FAM193A: variants seen among roughly 807,000 people sequenced by gnomAD.
The protein encoded by FAM193A is protein FAM193A.
A neutral mutation model predicts 126.5 loss-of-function variants in FAM193A; 22 were observed. That is an observed-to-expected ratio of 0.17 (90% CI 0.12 to 0.25). The LOEUF (loss-of-function observed/expected upper bound fraction) is 0.25. FAM193A is among the 10% of genes least tolerant of loss of function. FAM193A has a pLI of 1.00. For missense variants in FAM193A, 1,675 were observed against 1,672.8 expected, an observed-to-expected ratio of 1.00 and a Z score of -0.02; for synonymous variants, 761 against 646.8, an observed-to-expected ratio of 1.18 and a Z score of -2.68.
chr4:2,727,643 A>G (rs1720902914), intron 20 of FAM193A, among the ~76,000 whole-genome samples: 1 of 152,242 alleles, frequency 6.6e-6, no homozygotes, highest in African/African-American at 2.4e-5. Context: ...AAAGGAAACT[A>G]AAATATTGCT....
chr4:2,718,032 C>T (rs964289267), intron 20 of FAM193A, among the ~76,000 whole-genome samples: 2 of 152,046 alleles, frequency 1.3e-5, no homozygotes, highest in Non-Finnish European at 2.9e-5. Flanking sequence ...TATCGAAAAA[C>T]GTTAACTTTT....
intron 1 of FAM193A, among the ~76,000 whole-genome samples, chr4:2,571,426 G>T (rs1739286331): frequency 6.6e-6 from 1 of 152,112 alleles, no homozygotes; most frequent in Admixed American, 6.5e-5. Flanking sequence ...AAAAAATTTA[G>T]ATTTGTACTA....
At chr4:2,541,818 A>G (rs960473784) in intron 1 of FAM193A, among the ~76,000 whole-genome samples, 1 of 151,516 alleles carries the variant, frequency 6.6e-6, no homozygotes, top group African/African-American at 2.4e-5. Flanking sequence ...AAAATATGCC[A>G]CCATCTTTTA....
chr4:2,567,435 A>G (rs1264925665), intron 1 of FAM193A, among the ~76,000 whole-genome samples: 1 of 152,168 alleles, frequency 6.6e-6, no homozygotes, highest in Non-Finnish European at 1.5e-5. Context: ...TCTCTAAATA[A>G]TTGAATTTAG....
At chr4:2,709,665 CG>C (rs1263897232) in intron 19 of FAM193A, among the ~76,000 whole-genome samples, 5 of 151,944 alleles carry the variant, frequency 3.3e-5, no homozygotes, top group African/African-American at 1.2e-4. Context: ...GCCGAGAACA[CG>C]CCACTGCACT....
chr4:2,724,960 T>TC (rs1720560040), intron 20 of FAM193A, among the ~76,000 whole-genome samples: 1 of 152,132 alleles, frequency 6.6e-6, no homozygotes, highest in African/African-American at 2.4e-5. Flanking sequence ...CACTGCAACC[T>TC]CCGCCTTCCA....
intron 19 of FAM193A, among the ~76,000 whole-genome samples, chr4:2,702,370 C>A (rs1021635142): frequency 6.6e-6 from 1 of 152,166 alleles, no homozygotes; most frequent in Non-Finnish European, 1.5e-5. Flanking sequence ...TTCGATGCTC[C>A]GGGCTCATCT....
chr4:2,635,974 A>T (rs959689289), intron 5 of FAM193A, among the ~76,000 whole-genome samples: 4 of 151,812 alleles, frequency 2.6e-5, no homozygotes, highest in South Asian at 2.1e-4. Flanking sequence ...AACTTTTTAC[A>T]GATAATGTAG....
intron 19 of FAM193A, among the ~76,000 whole-genome samples, chr4:2,713,614 C>G (rs1034375524): frequency 1.3e-5 from 2 of 152,142 alleles, no homozygotes; most frequent in African/African-American, 4.8e-5. Context: ...TGTGTTTTCT[C>G]TTTCCTGTCT....
intron 2 of FAM193A, among the ~76,000 whole-genome samples, chr4:2,616,190 T>C (rs988285774): frequency 3.3e-5 from 5 of 152,272 alleles, no homozygotes; most frequent in Non-Finnish European, 7.3e-5. Flanking sequence ...CATTTAGCAC[T>C]GTTATTTCTA....
intron 6 of FAM193A, among the ~76,000 whole-genome samples, chr4:2,640,123 CT>C (rs1744468197): frequency 6.6e-6 from 1 of 152,298 alleles, no homozygotes; most frequent in Non-Finnish European, 1.5e-5. Flanking sequence ...AAATATAGCA[CT>C]TTTCCTTGAC....
At chr4:2,566,612 C>G (rs1246884513) in intron 1 of FAM193A, among the ~76,000 whole-genome samples, 1 of 151,954 alleles carries the variant, frequency 6.6e-6, no homozygotes, top group Non-Finnish European at 1.5e-5. Context: ...TCACTTGAAC[C>G]TGGGAGGCGA....
At chr4:2,586,254 AAT>A (rs1436816419) in intron 1 of FAM193A, among the ~76,000 whole-genome samples, 5 of 150,784 alleles carry the variant, frequency 3.3e-5, no homozygotes, top group Admixed American at 6.6e-5. Flanking sequence ...CAAAAAAAAA[AAT>A]ATATATATAT....
chr4:2,590,146 A>AG (rs1304146633), intron 1 of FAM193A, among the ~76,000 whole-genome samples: 3 of 149,724 alleles, frequency 2.0e-5, no homozygotes, highest in African/African-American at 4.9e-5. Context: ...AAAAAAAAAA[A>AG]AAAGAAAGAA....
intron 2 of FAM193A, among the ~76,000 whole-genome samples, chr4:2,605,677 G>A (rs1349485746): frequency 6.6e-6 from 1 of 152,160 alleles, no homozygotes; most frequent in Non-Finnish European, 1.5e-5. Context: ...AACAAGAATG[G>A]TTTAGTAAGT....
chr4:2,551,912 C>G (rs1265041196), intron 1 of FAM193A, among the ~76,000 whole-genome samples: 1 of 151,664 alleles, frequency 6.6e-6, no homozygotes, highest in East Asian at 1.9e-4. Flanking sequence ...TTGATCATAG[C>G]TCACTGTAAC....
chr4:2,632,714 T>C (rs961048262), intron 5 of FAM193A, among the ~76,000 whole-genome samples: 5 of 151,948 alleles, frequency 3.3e-5, no homozygotes, highest in East Asian at 1.9e-4. Flanking sequence ...GGGGCAGTTA[T>C]CCTGTTTCAA....
intron 4 of FAM193A, 108 bp from the exon 5 acceptor site, chr4:2,630,827 C>T: frequency 1.6e-6 from 1 of 633,096 alleles, no homozygotes; most frequent in Non-Finnish European, 2.8e-6. Context: ...ACTGTGTGGT[C>T]ATCTAGAGGT....
chr4:2,654,319 C>G (rs1745955197), intron 7 of FAM193A: 1 of 151,884 alleles, frequency 6.6e-6, no homozygotes. Context: ...CTCAAGCAGC[C>G]CTCCCACCTC....
Sources: gnomAD v4.1 joint callset for allele counts (sites outside exome capture counted in the v4.1 genomes callset) on GRCh38, gnomAD v4.1.1 for gene constraint, MANE v1.5 for transcripts, NCBI Gene and HGNC (gene_info 2026-07-23, HGNC 2026-07-21) for gene names.